The following PAK5 variants were observed in gnomAD, a reference collection of about 807,000 sequenced individuals.
PAK5 encodes serine/threonine-protein kinase PAK 5.
Under a neutral mutation model 65.9 loss-of-function variants are expected in PAK5, and 16 were observed. The observed-to-expected ratio is 0.24, with a 90% CI of 0.16 to 0.37. The LOEUF (loss-of-function observed/expected upper bound fraction) is 0.37, where lower values mean the gene tolerates loss of function less well. Among genes scored for constraint, PAK5 ranks in the 10% least tolerant of loss-of-function variants. The pLI is 1.00. For synonymous variants in PAK5, 371 were observed against 354.9 expected (o/e 1.05, Z -0.51); for missense variants, 785 against 903.9 (o/e 0.87, Z 1.69).
At chr20:9,700,571 G>A (rs2047926864) in intron 2 of PAK5, among the ~76,000 whole-genome samples, 1 of 152,130 alleles carries the variant, frequency 6.6e-6, no homozygotes, top group South Asian at 2.1e-4. Flanking sequence ...ACTTAGGGGG[G>A]CTATTGCTGG....
chr20:9,686,976 C>G (rs961261756), intron 2 of PAK5, among the ~76,000 whole-genome samples: 1 of 152,162 alleles, frequency 6.6e-6, no homozygotes, highest in African/African-American at 2.4e-5. Flanking sequence ...CTCAGTTCTG[C>G]TAGGGAACTC....
chr20:9,699,689 C>T (rs2047914987), intron 2 of PAK5, among the ~76,000 whole-genome samples: 1 of 151,572 alleles, frequency 6.6e-6, no homozygotes, highest in South Asian at 2.1e-4. Context: ...AAAAACTCTA[C>T]ATCTCTGTGA....
At chr20:9,754,844 A>T (rs1198365002) in intron 1 of PAK5, among the ~76,000 whole-genome samples, 1 of 152,184 alleles carries the variant, frequency 6.6e-6, no homozygotes, top group Non-Finnish European at 1.5e-5. Context: ...TCACTGTCAC[A>T]ATTTTCTCCC....
At chr20:9,777,824 GA>G (rs2048902460) in intron 1 of PAK5, among the ~76,000 whole-genome samples, 1 of 152,124 alleles carries the variant, frequency 6.6e-6, no homozygotes, top group Admixed American at 6.5e-5. Flanking sequence ...GTGAGGATGG[GA>G]AAAATCCCAT....
intron 1 of PAK5, among the ~76,000 whole-genome samples, chr20:9,825,933 A>G (rs984067725): frequency 6.6e-6 from 1 of 152,306 alleles, no homozygotes; most frequent in South Asian, 2.1e-4. Flanking sequence ...TATTCACTCA[A>G]ATTCAAAGGT....
chr20:9,704,131 CAGA>C (rs990639717), intron 2 of PAK5, among the ~76,000 whole-genome samples: 5 of 152,286 alleles, frequency 3.3e-5, no homozygotes, highest in African/African-American at 1.2e-4. Context: ...GAGTTTGAAA[CAGA>C]AGATTTTACA....
At chr20:9,610,103 G>A (rs972030155) in intron 3 of PAK5, among the ~76,000 whole-genome samples, 9 of 152,052 alleles carry the variant, frequency 5.9e-5, no homozygotes, top group African/African-American at 1.2e-4. Context: ...AAAAGCAACC[G>A]CAAGGTCTTA....
At chr20:9,617,137 C>A (rs1470051957) in intron 3 of PAK5, among the ~76,000 whole-genome samples, 1 of 152,194 alleles carries the variant, frequency 6.6e-6, no homozygotes, top group Non-Finnish European at 1.5e-5. Context: ...ATCGGCTTCA[C>A]TAATTAAAAT....
At chr20:9,578,644 A>G (rs1467334027) in intron 4 of PAK5, among the ~76,000 whole-genome samples, 11 of 152,250 alleles carry the variant, frequency 7.2e-5, no homozygotes, top group Admixed American at 7.2e-4. Flanking sequence ...GCTATAGAAC[A>G]TGTTAACTTA....
intron 3 of PAK5, among the ~76,000 whole-genome samples, chr20:9,616,922 TC>T (rs2046667662): frequency 6.6e-6 from 1 of 152,244 alleles, no homozygotes; most frequent in South Asian, 2.1e-4. Context: ...TTTTGTTTAT[TC>T]TTTCACTTTG....
intron 7 of PAK5, among the ~76,000 whole-genome samples, chr20:9,551,019 T>C (rs1268675780): frequency 6.6e-6 from 1 of 152,098 alleles, no homozygotes; most frequent in African/African-American, 2.4e-5. Context: ...AAATGTGAGA[T>C]GAGCAATTGA....
chr20:9,758,621 T>C (rs891684148), intron 1 of PAK5, among the ~76,000 whole-genome samples: 2 of 152,158 alleles, frequency 1.3e-5, no homozygotes, highest in African/African-American at 4.8e-5. Flanking sequence ...ATTGGTAGCT[T>C]GAAATTGGCC....
At chr20:9,651,743 CGGGGTGGGGCACGCACAGGAT>C (rs1028500489) in intron 2 of PAK5, among the ~76,000 whole-genome samples, 7 of 151,834 alleles carry the variant, frequency 4.6e-5, no homozygotes, top group African/African-American at 1.7e-4. Flanking sequence ...ATACTGAAGA[CGGGGTGGGGCACGCACAGGAT>C]GGGGTGGGGC....
chr20:9,773,496 CT>C (rs1286874889), intron 1 of PAK5, among the ~76,000 whole-genome samples: 1 of 151,916 alleles, frequency 6.6e-6, no homozygotes, highest in Non-Finnish European at 1.5e-5. Context: ...AATTTCACTT[CT>C]ATTTTTCTGG....
chr20:9,564,687 GAATCTAATA>G (rs2045644931), intron 5 of PAK5, among the ~76,000 whole-genome samples: 1 of 151,998 alleles, frequency 6.6e-6, no homozygotes. Flanking sequence ...CTACTTCTAG[GAATCTAATA>G]AATTATCAGA....
At chr20:9,711,049 C>T (rs1485856936) in intron 2 of PAK5, among the ~76,000 whole-genome samples, 3 of 152,136 alleles carry the variant, frequency 2.0e-5, no homozygotes, top group Admixed American at 6.5e-5. Flanking sequence ...TAAACATTAT[C>T]AATGGTTGTC....
intron 8 of PAK5, 81 bp from the exon 9 acceptor site, chr20:9,542,801 A>C: frequency 7.3e-6 from 9 of 1,241,264 alleles, no homozygotes; most frequent in Non-Finnish European, 9.2e-6. Context: ...CCTCATACTC[A>C]TTCACAAGTG....
At chr20:9,765,531 A>T (rs2048747141) in intron 1 of PAK5, among the ~76,000 whole-genome samples, 1 of 151,968 alleles carries the variant, frequency 6.6e-6, no homozygotes, top group African/African-American at 2.4e-5. Flanking sequence ...GGCTAACACT[A>T]ATTCTATGAG....
At chr20:9,827,981 G>A (rs568227943) in intron 1 of PAK5, among the ~76,000 whole-genome samples, 7 of 152,232 alleles carry the variant, frequency 4.6e-5, no homozygotes, top group African/African-American at 1.4e-4. Context: ...ACAGGCGTGC[G>A]CCACCATGCC....
Sources: gnomAD v4.1 joint callset for allele counts (sites outside exome capture counted in the v4.1 genomes callset) on GRCh38, gnomAD v4.1.1 for gene constraint, MANE v1.5 for transcripts, NCBI Gene and HGNC (gene_info 2026-07-23, HGNC 2026-07-21) for gene names.